The following IPO11 variants were observed in gnomAD, a reference collection of about 807,000 sequenced individuals.
The protein encoded by IPO11 is importin 11.
IPO11 carries 66 observed loss-of-function variants against 143.2 expected under a neutral mutation model. That is an observed-to-expected ratio of 0.46 (90% CI 0.38 to 0.57). The LOEUF is 0.57. Ranked by LOEUF, IPO11 falls within the 20% of genes least tolerant of loss-of-function variation. The pLI is 0.00. For synonymous variants in IPO11, 385 were observed against 377.8 expected (o/e 1.02, Z -0.22); for missense variants, 1,026 against 1,141.0 (o/e 0.90, Z 1.45).
chr5:62,530,960 G>T (rs1170258800), intron 22 of IPO11, among the ~76,000 whole-genome samples, 175 bp downstream of exon 22: 1 of 152,020 alleles, frequency 6.6e-6, no homozygotes, highest in East Asian at 1.9e-4. Context: ...TGAGGTTTGG[G>T]GTACAATTGA....
At chr5:62,419,121 C>CA in intron 1 of IPO11, 1 of 1,549,460 alleles carries the variant, frequency 6.5e-7, no homozygotes, top group Non-Finnish European at 8.7e-7. Flanking sequence ...GCAGTTGTCA[C>CA]AAAATGGTAA....
In IPO11 at chr5:62,485,412, A is replaced by G. The variant is rs765754459; in HGVS notation, c.1175-7A>G. ...AAAATGTCATTATTACATATTTTTAATTGCAGCAGTGGAAGAAACAGGAGG... is the reference window on the plus strand; with the variant it reads ...AAAATGTCATTATTACATATTTTTAGTTGCAGCAGTGGAAGAAACAGGAGG... On this transcript the variant is annotated splice_polypyrimidine_tract_variant and splice_region_variant and intron_variant, in intron 11 of 29. Coordinates refer to ENST00000325324, the MANE Select transcript of IPO11 (RefSeq NM_016338.5). 1.9e-6 allele frequency: 3 copies of G among 1,604,140 alleles called. No homozygotes were observed. The highest frequency in any genetic ancestry group is 2.2e-5 in the South Asian group (2 of 90,768).
chr5:62,447,611 G>T, intron 3 of IPO11, among the ~76,000 whole-genome samples: 1 of 150,858 alleles, frequency 6.6e-6, no homozygotes. Context: ...TTTGAGACAG[G>T]GTCTTGCTCT....
intron 19 of IPO11, 57 bp from the exon 20 acceptor site, chr5:62,515,326 CAAAGT>C (rs2112285475): frequency 2.8e-6 from 3 of 1,074,840 alleles, no homozygotes; most frequent in Admixed American, 2.2e-5. Context: ...CATTGTTTTT[CAAAGT>C]AAATTGCCTT....
intron 1 of IPO11, chr5:62,422,468 A>C (rs1743548670): frequency 6.6e-6 from 1 of 152,252 alleles, no homozygotes. Flanking sequence ...GCTGTTCCTT[A>C]GTGGGTTTTG....
chr5:62,430,713 C>G (rs961682581), intron 1 of IPO11, among the ~76,000 whole-genome samples: 5 of 142,604 alleles, frequency 3.5e-5, no homozygotes, highest in Non-Finnish European at 6.1e-5. Flanking sequence ...GAGCCTTGTT[C>G]TGTCGCGAGG....
intron 9 of IPO11, 117 bp downstream of exon 9, chr5:62,476,870 G>C: frequency 5.3e-6 from 6 of 1,129,304 alleles, no homozygotes; most frequent in Non-Finnish European, 7.0e-6. Flanking sequence ...CCTATGTTCT[G>C]ACTCCTTATA....
At chr5:62,468,827 T>C (rs985055526) in intron 6 of IPO11, among the ~76,000 whole-genome samples, 2 of 152,222 alleles carry the variant, frequency 1.3e-5, no homozygotes, top group Non-Finnish European at 2.9e-5. Flanking sequence ...AATTTTGTTC[T>C]GTAACTATAC....
chr5:62,620,357 A>T (rs1392189567), intron 29 of IPO11, among the ~76,000 whole-genome samples: 1 of 151,996 alleles, frequency 6.6e-6, no homozygotes, highest in Non-Finnish European at 1.5e-5. Flanking sequence ...ATCTCTCCTA[A>T]AAATACAAAA....
At chr5:62,578,659 A>G (rs577924970) in intron 27 of IPO11, 155 of 466,706 alleles carry the variant, frequency 3.3e-4, no homozygotes, top group Admixed American at 7.2e-4. Context: ...ATTTCCGTTC[A>G]GCAATACTTT....
intron 28 of IPO11, among the ~76,000 whole-genome samples, chr5:62,595,805 A>G (rs1745190741): frequency 6.6e-6 from 1 of 152,040 alleles, no homozygotes; most frequent in Non-Finnish European, 1.5e-5. Flanking sequence ...TATTAAGCCA[A>G]GAAAATACAT....
At chr5:62,427,083 G>A (rs1181278031) in intron 1 of IPO11, among the ~76,000 whole-genome samples, 1 of 151,358 alleles carries the variant, frequency 6.6e-6, no homozygotes, top group African/African-American at 2.4e-5. Context: ...GATTACAGGC[G>A]CCCGCCACCA....
At position 62,627,224 on chromosome 5, in the gene IPO11, A is replaced by G; in HGVS notation, c.2834A>G (p.Gln945Arg). Residue 945 changes from glutamine to arginine, a missense_variant, in exon 30 of 30, where the codon CAG becomes CGG. Physicochemically the swap from Gln to Arg is conservative, Grantham distance 43. Transcript: ENST00000325324. ...ATCTACGAGAAGCTCAAGGCACAGC[A>G]GGAGATGCTAGGAGAACAAGGTTTC... ...QFIYEKLKAQQEMLGEQGFQS... is the reference protein window; with the variant it reads ...QFIYEKLKAQREMLGEQGFQS... The G allele has an allele frequency of 6.2e-7, 1 of 1,614,136 alleles. No individual in the cohort carries two copies. Among genetic ancestry groups the G allele is most frequent in the Non-Finnish European group, 8.5e-7 (1 of 1,179,990 alleles).
Position 62,561,190 on chromosome 5 carries a change from A to G in IPO11, c.2515A>G (p.Ile839Val), listed in dbSNP as rs769459035. 5.6e-6 allele frequency: 9 copies of G among 1,611,148 alleles called. No individual in the cohort carries two copies. The highest frequency in any genetic ancestry group is 6.8e-6 in the Non-Finnish European group (8 of 1,178,586). ...AATGTGGGTTGATCGAATGGACAAC[A>G]TTACCCAGCCTGAAAGAAGAAAACT... ...IEMWVDRMDN[I>V]TQPERRKLSA... The change falls in exon 27 of 30, where the codon ATT becomes GTT. Residue 839 changes from isoleucine (I) to valine (V), a missense_variant. Physicochemically the swap from Ile to Val is conservative, Grantham distance 29. Around this residue, in one of 5 missense-constraint regions of IPO11, gnomAD observed 351 missense variants for 358.9 expected, o/e 0.98. Transcript: ENST00000325324.
rs185130930 is a variant in IPO11 at position 62,481,244 on chromosome 5, C to G, written c.829-1857C>G. On this transcript the variant is annotated intron_variant, in intron 9 of 29. Transcript: ENST00000325324. Reference sequence around the variant, plus strand: ...ACTTCCTCTTTTCCTAATTGAATACCATTTATTTCTTTCTCTTGCCTGATT... The same window carrying G: ...ACTTCCTCTTTTCCTAATTGAATACGATTTATTTCTTTCTCTTGCCTGATT... 3.0e-4 allele frequency among the ~76,000 whole-genome samples: 46 copies of G among 152,162 alleles called. 2 individuals carry two copies. In the East Asian group the frequency reaches 8.5e-3, roughly 28 times the overall value.
At chr5:62,614,485 T>A (rs1447405592) in intron 29 of IPO11, among the ~76,000 whole-genome samples, 1 of 152,190 alleles carries the variant, frequency 6.6e-6, no homozygotes, top group Admixed American at 6.5e-5. Flanking sequence ...GTTGCTAAGT[T>A]CTGCAGTACG....
chr5:62,436,261 A>G (rs998461697), intron 1 of IPO11, among the ~76,000 whole-genome samples: 51 of 152,160 alleles, frequency 3.4e-4, no homozygotes, highest in African/African-American at 1.2e-3. Context: ...ATTTAATTGT[A>G]ATTATTTTAA....
At chr5:62,510,262 A>C (rs999032494) in intron 19 of IPO11, among the ~76,000 whole-genome samples, 5 of 152,236 alleles carry the variant, frequency 3.3e-5, no homozygotes, top group African/African-American at 9.6e-5. Flanking sequence ...TTATATGGAC[A>C]GTATTTTTTC....
intron 16 of IPO11, among the ~76,000 whole-genome samples, chr5:62,495,122 G>A (rs1741091069): frequency 6.6e-6 from 1 of 152,132 alleles, no homozygotes; most frequent in Non-Finnish European, 1.5e-5. Flanking sequence ...TTCTACCTAA[G>A]TATTATCTGC....
Sources: allele counts gnomAD v4.1 joint callset (sites outside exome capture counted in the v4.1 genomes callset), GRCh38; gene constraint gnomAD v4.1.1; regional missense constraint gnomAD v4.1.1; transcripts MANE v1.5; gene names NCBI Gene and HGNC (gene_info 2026-07-23, HGNC 2026-07-21).